The following GULP1 variants were observed in gnomAD, a reference collection of about 807,000 sequenced individuals.
The protein encoded by GULP1 is GULP PTB domain containing engulfment adaptor 1, also known as PTB domain-containing engulfment adapter protein 1.
Under a neutral mutation model 40.9 loss-of-function variants are expected in GULP1, and 19 were observed. That is an observed-to-expected ratio of 0.46 (90% CI 0.32 to 0.68). GULP1 has a LOEUF of 0.68. Ranked by LOEUF, GULP1 falls within the 30% of genes least tolerant of loss-of-function variation. The pLI is 0.03. For synonymous variants in GULP1, 119 were observed against 117.6 expected (o/e 1.01, Z -0.08); for missense variants, 312 against 362.2 (o/e 0.86, Z 1.12).
chr2:188,530,777 T>A (rs1266627912), intron 6 of GULP1, among the ~76,000 whole-genome samples: 1 of 152,198 alleles, frequency 6.6e-6, no homozygotes, highest in Non-Finnish European at 1.5e-5. Context: ...GCAGGCTTAG[T>A]AAACAAACAC....
chr2:188,371,990 G>T (rs986330439), intron 1 of GULP1, among the ~76,000 whole-genome samples: 1 of 95,746 alleles, frequency 1.0e-5, no homozygotes, highest in African/African-American at 5.1e-5. Flanking sequence ...CATTTAAGAG[G>T]TAGCTACATC....
At chr2:188,377,636 G>A (rs112614948) in intron 1 of GULP1, among the ~76,000 whole-genome samples, 1 of 152,100 alleles carries the variant, frequency 6.6e-6, no homozygotes, top group Non-Finnish European at 1.5e-5. Flanking sequence ...CTTTCGATTA[G>A]GGATTGAGCT....
chr2:188,594,941 T>C lies in GULP1; in HGVS notation c.*930T>C, dbSNP rs2153480242. On this transcript the variant is annotated 3_prime_UTR_variant, in exon 12 of 12. Coordinates refer to ENST00000409830, the MANE Select transcript of GULP1 (RefSeq NM_016315.4). ...AAGATATTTTTCACCAAAGTTTATTTTGTGATGCCCTCTTGGTTTTGATAC... is the reference window on the plus strand; with the variant it reads ...AAGATATTTTTCACCAAAGTTTATTCTGTGATGCCCTCTTGGTTTTGATAC... 6.6e-6 allele frequency: 1 copy of C among 151,780 alleles called. No homozygotes were observed. Among genetic ancestry groups the C allele is most frequent in the Admixed American group, 6.6e-5 (1 of 15,198 alleles). The allele number at this position is 151,780 out of a possible 1,614,324, so 9.4% of individuals were successfully genotyped here.
At chr2:188,460,978 G>A (rs2059656762) in intron 2 of GULP1, among the ~76,000 whole-genome samples, 1 of 152,136 alleles carries the variant, frequency 6.6e-6, no homozygotes, top group South Asian at 2.1e-4. Context: ...CATCCTAAGG[G>A]TAAATCCCAC....
intron 2 of GULP1, among the ~76,000 whole-genome samples, chr2:188,394,625 T>G (rs184540321): frequency 6.6e-6 from 1 of 152,340 alleles, no homozygotes; most frequent in Non-Finnish European, 1.5e-5. Context: ...TTGCCAGAAT[T>G]ATTTTTCTGG....
At chr2:188,514,082 T>TGTGC (rs766246317) in intron 4 of GULP1, among the ~76,000 whole-genome samples, 1,642 of 149,224 alleles carry the variant, frequency 0.011, 29 homozygotes, top group African/African-American at 0.028. Flanking sequence ...TGTGTGTGTG[T>TGTGC]GCGCCCTGCC....
chr2:188,401,889 C>A (rs1186765584), intron 2 of GULP1, among the ~76,000 whole-genome samples: 1 of 152,082 alleles, frequency 6.6e-6, no homozygotes, highest in Non-Finnish European at 1.5e-5. Context: ...GGTGATTAGA[C>A]ATAACATTCC....
chr2:188,486,092 G>T (rs1033148030), intron 4 of GULP1, among the ~76,000 whole-genome samples: 2 of 151,990 alleles, frequency 1.3e-5, no homozygotes, highest in African/African-American at 4.8e-5. Flanking sequence ...AAATTGGGAA[G>T]GCTTTGAATG....
intron 1 of GULP1, among the ~76,000 whole-genome samples, chr2:188,363,503 A>G (rs2046354947): frequency 6.6e-6 from 1 of 152,174 alleles, no homozygotes; most frequent in African/African-American, 2.4e-5. Context: ...GGCAGAATCA[A>G]GATTTGCAGT....
At chr2:188,430,990 G>A (rs1008908835) in intron 2 of GULP1, among the ~76,000 whole-genome samples, 19 of 152,056 alleles carry the variant, frequency 1.2e-4, no homozygotes, top group East Asian at 3.9e-4. Flanking sequence ...ATATTTTCAC[G>A]TCTTTCCATA....
intron 2 of GULP1, among the ~76,000 whole-genome samples, chr2:188,472,184 G>C (rs1172670117): frequency 6.6e-6 from 1 of 151,876 alleles, no homozygotes; most frequent in Non-Finnish European, 1.5e-5. Context: ...CCTTTCTTTT[G>C]TTGATTTTAG....
chr2:188,484,155 G>GCCAC (rs1295932577), intron 4 of GULP1, among the ~76,000 whole-genome samples: 1 of 152,086 alleles, frequency 6.6e-6, no homozygotes, highest in East Asian at 1.9e-4. Context: ...TGGTCCACCT[G>GCCAC]CCTCAGCCCC....
chr2:188,444,670 C>G lies in GULP1; in HGVS notation c.-44-32989C>G, dbSNP rs920715633. Among the ~76,000 whole-genome samples the G allele has an allele frequency of 3.9e-5, 6 of 152,236 alleles. No individual in the cohort carries two copies. In the East Asian group the frequency reaches 7.7e-4, roughly 20 times the overall value. The stretch of plus-strand genomic sequence containing the variant: ...AATTTCCGATATTCTGTGTGCATTC[C>G]GGTCCTCAGCATATAACTGGGCTGG... On this transcript the variant is annotated intron_variant, in intron 2 of 11. Transcript: ENST00000409830.
intron 2 of GULP1, among the ~76,000 whole-genome samples, chr2:188,458,591 G>A (rs1389359234): frequency 6.6e-6 from 1 of 152,070 alleles, no homozygotes; most frequent in Admixed American, 6.6e-5. Context: ...TACATGAAGT[G>A]TTTTAATACA....
At chr2:188,379,684 G>A (rs1484001319) in intron 1 of GULP1, among the ~76,000 whole-genome samples, 2 of 152,110 alleles carry the variant, frequency 1.3e-5, no homozygotes, top group South Asian at 2.1e-4. Context: ...AAATACAAAT[G>A]TTATAACATG....
intron 2 of GULP1, among the ~76,000 whole-genome samples, chr2:188,464,090 G>A (rs1358171975): frequency 6.6e-6 from 1 of 152,030 alleles, no homozygotes; most frequent in Admixed American, 6.6e-5. Context: ...AATGTGTCTG[G>A]CCATTGAAGA....
intron 6 of GULP1, among the ~76,000 whole-genome samples, chr2:188,540,208 T>C (rs897347607): frequency 6.6e-6 from 1 of 152,108 alleles, no homozygotes; most frequent in Admixed American, 6.6e-5. Flanking sequence ...AGTTGATTTT[T>C]CTACTTGTCA....
intron 10 of GULP1, among the ~76,000 whole-genome samples, chr2:188,586,865 T>C (rs183749441): frequency 1.3e-3 from 198 of 152,018 alleles, no homozygotes; most frequent in Middle Eastern, 3.4e-3. Context: ...AAATATTATT[T>C]CTTTTTTAAT....
At chr2:188,592,194 G>C (rs928141088) in intron 11 of GULP1, 1 of 151,920 alleles carries the variant, frequency 6.6e-6, no homozygotes, top group African/African-American at 2.4e-5. Context: ...GGTAATTGAA[G>C]TGATACTGGT....
Sources: allele counts gnomAD v4.1 joint callset (sites outside exome capture counted in the v4.1 genomes callset), GRCh38; gene constraint gnomAD v4.1.1; transcripts MANE v1.5; gene names NCBI Gene and HGNC (gene_info 2026-07-23, HGNC 2026-07-21).